The following SPTBN1 variants were observed in gnomAD, a reference collection of about 807,000 sequenced individuals.
The protein encoded by SPTBN1 is spectrin beta chain, non-erythrocytic 1.
SPTBN1 carries 32 observed loss-of-function variants against 266.4 expected under a neutral mutation model. That is an observed-to-expected ratio of 0.12 (90% CI 0.09 to 0.16). The LOEUF is 0.16. SPTBN1 is among the 10% of genes least tolerant of loss of function. The pLI, the probability that SPTBN1 is intolerant of heterozygous loss-of-function variation, is 1.00. For synonymous variants in SPTBN1, 1,336 were observed against 1,162.2 expected, an observed-to-expected ratio of 1.15 and a Z score of -3.04; for missense variants, 2,296 against 3,067.1, an observed-to-expected ratio of 0.75 and a Z score of 5.94.
chr2:54,558,422 G>C lies in SPTBN1; in HGVS notation c.148+31856G>C, dbSNP rs1673029722. The C allele has an allele frequency of 7.8e-6, 8 of 1,019,276 alleles. No homozygotes were observed. The highest frequency in any genetic ancestry group is 8.2e-6 in the Non-Finnish European group (7 of 852,286). The allele number at this position is 1,019,276 out of a possible 1,614,324, so 63.1% of individuals were successfully genotyped here. ...GTGCGCGCTGCGCCCGCGAGCTCCC[G>C]GGCTCGGCAACCGTGGCATGCTTAG... On this transcript the variant is annotated intron_variant, in intron 2 of 35. Transcript: ENST00000356805. This position sits in a 1 kb window ranked among gnomAD's most constrained non-coding sequence, Gnocchi z 4.6.
rs1214524722 is a variant in SPTBN1 at position 54,645,333 on chromosome 2, C to T, written c.4374C>T (p.Ser1458=). The part of the protein sequence containing the change: ...QEGKSTDEVD[S]KRLTVQTKFM... Reference sequence around the variant, plus strand: ...GGAAGAGCACCGACGAGGTAGACAGCAAGCGCCTCACCGTGCAGACCAAGT... The same window carrying T: ...GGAAGAGCACCGACGAGGTAGACAGTAAGCGCCTCACCGTGCAGACCAAGT... The change falls in exon 21 of 36, where the codon AGC becomes AGT. Residue 1458 remains serine (S), a synonymous_variant. Coordinates refer to ENST00000356805, the MANE Select transcript of SPTBN1 (RefSeq NM_003128.3). This position sits in a 1 kb window ranked among gnomAD's most constrained non-coding sequence, Gnocchi z 4.3. 7 of 1,614,190 alleles carry T rather than the reference C, an allele frequency of 4.3e-6. No individual in the cohort carries two copies. The East Asian group carries it at 1.3e-4, about 31-fold the overall frequency.
chr2:54,519,009 C>T (rs186946706), intron 1 of SPTBN1, among the ~76,000 whole-genome samples: 107 of 150,454 alleles, frequency 7.1e-4, no homozygotes, highest in African/African-American at 2.4e-3. Flanking sequence ...TCATTAGCAG[C>T]CTATTTTAAA....
At chr2:54,477,866 A>T (rs1667915673) in intron 1 of SPTBN1, among the ~76,000 whole-genome samples, 1 of 151,982 alleles carries the variant, frequency 6.6e-6, no homozygotes, top group Non-Finnish European at 1.5e-5. Flanking sequence ...AGCCAAGATC[A>T]TGCCGCTGCA....
chr2:54,508,905 T>A (rs1669714744), intron 1 of SPTBN1, among the ~76,000 whole-genome samples: 1 of 152,212 alleles, frequency 6.6e-6, no homozygotes, highest in East Asian at 1.9e-4. Context: ...TGGAGGACTC[T>A]TGCATAGTGA....
intron 2 of SPTBN1, among the ~76,000 whole-genome samples, chr2:54,594,007 AT>A: frequency 6.6e-6 from 1 of 151,420 alleles, no homozygotes; most frequent in Admixed American, 6.6e-5. Context: ...TAATTTTTGT[AT>A]TTTTAGTAGA....
chr2:54,465,633 TTATCTCATATA>T (rs1261283376), intron 1 of SPTBN1, among the ~76,000 whole-genome samples: 1 of 91,018 alleles, frequency 1.1e-5, no homozygotes, highest in Admixed American at 1.4e-4. Context: ...CATATCATGT[TTATCTCATATA>T]TATATATATA....
intron 2 of SPTBN1, among the ~76,000 whole-genome samples, chr2:54,585,228 G>T (rs1444469928): frequency 6.6e-6 from 1 of 152,186 alleles, no homozygotes; most frequent in Non-Finnish European, 1.5e-5. Context: ...TGTGTTTAAA[G>T]CTTTGGTTAG....
At chr2:54,610,022 T>G (rs895411314) in intron 3 of SPTBN1, among the ~76,000 whole-genome samples, 1 of 152,228 alleles carries the variant, frequency 6.6e-6, no homozygotes, top group African/African-American at 2.4e-5. Flanking sequence ...TACTGGGCTT[T>G]TGTGAACAGG....
chr2:54,653,713 G>A lies in SPTBN1; in HGVS notation c.5682G>A (p.Lys1894=). 1 of 1,614,242 alleles carries A rather than the reference G, an allele frequency of 6.2e-7. No individual in the cohort carries two copies. Among genetic ancestry groups the A allele is most frequent in the Admixed American group, 1.7e-5 (1 of 60,030 alleles). ...KRENEVLEAW[K]SLLDACESRR... is the part of the protein sequence containing the mutation. ...AGAACGAGGTCCTGGAAGCCTGGAA[G>A]TCCCTCCTGGACGCCTGTGAGAGCC... The change falls in exon 27 of 36, where the codon AAG becomes AAA. Residue 1894 remains lysine, a synonymous_variant. Coordinates refer to ENST00000356805, the MANE Select transcript of SPTBN1 (RefSeq NM_003128.3). The surrounding 1 kb of genome is among the most constrained non-coding windows in gnomAD (Gnocchi z 5.1).
intron 18 of SPTBN1, among the ~76,000 whole-genome samples, chr2:54,642,533 T>TTTG (rs1679644419): frequency 3.1e-4 from 22 of 70,602 alleles, no homozygotes; most frequent in Admixed American, 1.2e-3. Context: ...TAAGTAGTTT[T>TTTG]TTTTTTTTTT....
chr2:54,471,799 G>GTTTTTTTTT (rs1693932488), intron 1 of SPTBN1, among the ~76,000 whole-genome samples: 1 of 31,490 alleles, frequency 3.2e-5, no homozygotes, highest in Admixed American at 5.1e-4. Context: ...CTTTTTTATC[G>GTTTTTTTTT]ATTTTTTTTT....
intron 2 of SPTBN1, among the ~76,000 whole-genome samples, chr2:54,556,576 A>T (rs937757536): frequency 2.6e-5 from 4 of 152,134 alleles, no homozygotes; most frequent in Admixed American, 2.0e-4. Context: ...TTAGAGACTT[A>T]TCATTTCACC....
chr2:54,517,946 GTT>G (rs35846594), intron 1 of SPTBN1, among the ~76,000 whole-genome samples: 111 of 145,330 alleles, frequency 7.6e-4, no homozygotes, highest in African/African-American at 7.3e-4. Context: ...GCCTGGTATT[GTT>G]TTTTTTTTTT....
chr2:54,612,851 A>T (rs1677311506), intron 4 of SPTBN1, among the ~76,000 whole-genome samples: 1 of 152,192 alleles, frequency 6.6e-6, no homozygotes, highest in South Asian at 2.1e-4. Context: ...TTGCAGGAGG[A>T]AAGTACAAAA....
Position 54,494,627 on chromosome 2 carries a change from A to G in SPTBN1, c.-47-31745A>G, listed in dbSNP as rs554049676. ...GAATAATTATACTGGGTAAGCAGCC[A>G]GACAAAAAAAGAGTTCTAACTGTAT... On this transcript the variant is annotated intron_variant, in intron 1 of 35. Transcript: ENST00000356805. Among the ~76,000 whole-genome samples, 2 of 152,346 alleles carry G rather than the reference A, an allele frequency of 1.3e-5. 1 individual carries two copies. The highest frequency in any genetic ancestry group is 4.1e-4 in the South Asian group (2 of 4,824).
Position 54,668,253 on chromosome 2 carries a change from C to T in SPTBN1, c.6877-98C>T, listed in dbSNP as rs551982185. On this transcript the variant is annotated intron_variant, in intron 35 of 35. Coordinates refer to ENST00000356805, the MANE Select transcript of SPTBN1 (RefSeq NM_003128.3). ...AGTGCCCAGAAGTGACTCTGCTTAC[C>T]CCTCAGTTGGCCAGATGCGCCATTC... 6.4e-5 allele frequency: 73 copies of T among 1,140,768 alleles called. No individual in the cohort carries two copies. The East Asian group carries it at 1.7e-3, about 27-fold the overall frequency. The allele number at this position is 1,140,768 out of a possible 1,614,324, so 70.7% of individuals were successfully genotyped here.
At chr2:54,567,790 A>G (rs9677089) in intron 2 of SPTBN1, among the ~76,000 whole-genome samples, 3 of 151,660 alleles carry the variant, frequency 2.0e-5, no homozygotes, top group African/African-American at 7.3e-5. Flanking sequence ...TTCTCTCTCT[A>G]TATATATAGA....
intron 32 of SPTBN1, chr2:54,661,513 C>A: frequency 2.4e-5 from 24 of 985,712 alleles, no homozygotes; most frequent in Non-Finnish European, 2.8e-5. Context: ...ACATATCTAT[C>A]TACTTCTGAC....
chr2:54,571,859 A>G (rs1674109755), intron 2 of SPTBN1, among the ~76,000 whole-genome samples: 1 of 152,226 alleles, frequency 6.6e-6, no homozygotes, highest in Admixed American at 6.5e-5. Flanking sequence ...TCCCTGAGAA[A>G]AGAGCCACTT....
Sources: gnomAD v4.1 joint callset for allele counts (sites outside exome capture counted in the v4.1 genomes callset) on GRCh38, gnomAD v4.1.1 for gene constraint, Gnocchi (gnomAD v3.1) non-coding constraint, MANE v1.5 for transcripts, NCBI Gene and HGNC (gene_info 2026-07-23, HGNC 2026-07-21) for gene names.